AFDN: variants seen among roughly 807,000 people sequenced by gnomAD.
AFDN encodes afadin, adherens junction formation factor, also known as afadin.
In AFDN, 68 loss-of-function variants were observed where a neutral mutation model predicts 216.6. The observed-to-expected ratio is 0.31, with a 90% CI of 0.26 to 0.38. The LOEUF is 0.38. Ranked by LOEUF, AFDN falls within the 10% of genes least tolerant of loss-of-function variation. The probability of loss-of-function intolerance (pLI) is 1.00; values close to 1 mark genes in which losing one functional copy is unlikely to be tolerated. For missense variants in AFDN, 2,136 were observed against 2,342.0 expected (o/e 0.91, Z 1.82); for synonymous variants, 868 against 853.7 (o/e 1.02, Z -0.29).
chr6:167,863,712 A>G (rs1783839668), intron 1 of AFDN: 1 of 499,008 alleles, frequency 2.0e-6, no homozygotes, highest in African/African-American at 1.9e-5. Flanking sequence ...AGGACATCCC[A>G]CAGTTGTGAG....
chr6:167,889,410 G>C lies in AFDN; in HGVS notation c.1009+84G>C. ...CACCTTATCACATGATGTAGGAGAT[G>C]TGTACGTTAATGTTTTTGGATGGCC... On this transcript the variant is annotated intron_variant, in intron 7 of 33. Transcript: ENST00000683244. 5.3e-6 allele frequency: 5 copies of C among 936,508 alleles called. No homozygotes were observed. In the South Asian group the frequency reaches 6.2e-5, roughly 12 times the overall value. The allele number at this position is 936,508 out of a possible 1,614,324, so 58.0% of individuals were successfully genotyped here.
chr6:167,960,572 A>G (rs978335609), intron 30 of AFDN, among the ~76,000 whole-genome samples: 1 of 152,206 alleles, frequency 6.6e-6, no homozygotes, highest in African/African-American at 2.4e-5. Context: ...CATTAATGCA[A>G]TTTTACATTC....
rs1583357788 is a variant in AFDN, at chr6:167,907,046, C to G, written c.1651-125C>G. 7 of 674,188 alleles carry G rather than the reference C, an allele frequency of 1.0e-5. No individual in the cohort carries two copies. The East Asian group carries it at 1.8e-4, about 18-fold the overall frequency. 41.8% of individuals were successfully genotyped at this position (674,188 alleles called of 1,614,324 possible). A position where few individuals can be genotyped will look rare whatever the true frequency, so the allele number is the denominator to read the frequency against. On this transcript the variant is annotated intron_variant, in intron 12 of 33. Transcript: ENST00000683244. ...TGTCCCCAGCATTGCTTTGTTATTT[C>G]CTGGTCTGTGTTCTTGCCTGCCCTG... is the stretch of plus-strand genomic sequence containing the variant.
At chr6:167,963,914 C>A in intron 31 of AFDN, 1 of 1,064,522 alleles carries the variant, frequency 9.4e-7, no homozygotes, top group Non-Finnish European at 1.1e-6. Flanking sequence ...GAGGGCTGTG[C>A]TTTTCCAGGT....
At position 167,830,299 on chromosome 6, in the gene AFDN, T is replaced by C. The variant is rs144751159; in HGVS notation, c.105+3062T>C. 8.6e-3 allele frequency among the ~76,000 whole-genome samples: 1,305 copies of C among 152,354 alleles called. 29 individuals carry two copies. Among genetic ancestry groups the C allele is most frequent in the African/African-American group, 0.03 (1,241 of 41,570 alleles). On this transcript the variant is annotated intron_variant, in intron 1 of 33. Coordinates refer to ENST00000683244, the MANE Select transcript of AFDN (RefSeq NM_001386888.1). ...TTTTAACTTACCAGACTTGTCATTG[T>C]CATTGGTATGTCTGTCTCCCTCTTA...
At chr6:167,853,685 A>T (rs533446436) in intron 1 of AFDN, among the ~76,000 whole-genome samples, 1 of 152,166 alleles carries the variant, frequency 6.6e-6, no homozygotes, top group South Asian at 2.1e-4. Context: ...GTAACCAAAT[A>T]CAGGTTGTGT....
chr6:167,854,515 T>C (rs181925354), intron 1 of AFDN, among the ~76,000 whole-genome samples: 1 of 152,122 alleles, frequency 6.6e-6, no homozygotes, highest in Admixed American at 6.5e-5. Context: ...GAAGCTTTTC[T>C]TATTTCTAAG....
At chr6:167,826,597 C>A, upstream of AFDN, 1 of 524,974 alleles carries the variant, frequency 1.9e-6, no homozygotes. Context: ...CAACACAGCA[C>A]CACCCATCGG....
Position 167,918,762 on chromosome 6 carries a change from G to T in AFDN, c.2737G>T (p.Ala913Ser), listed in dbSNP as rs1791426307. The stretch of plus-strand genomic sequence containing the variant: ...TCTTATAGAAAATGTAGTGACTGTG[G>T]CTGAAAACACTGCCGATGAGCTGGC... The part of the protein sequence containing the change: ...TDLIENVVTV[A>S]ENTADELARS... Residue 913 changes from alanine to serine, a missense_variant, in exon 21 of 34, where the codon GCT becomes TCT. Ala to Ser is a moderately conservative substitution (Grantham distance 99). Transcript: ENST00000683244. 1.2e-6 allele frequency: 2 copies of T among 1,613,992 alleles called. No homozygotes were observed. The highest frequency in any genetic ancestry group is 1.7e-6 in the Non-Finnish European group (2 of 1,180,016).
At chr6:167,906,677 G>A (rs1040496181) in intron 12 of AFDN, among the ~76,000 whole-genome samples, 3 of 151,980 alleles carry the variant, frequency 2.0e-5, no homozygotes, top group Non-Finnish European at 2.9e-5. Flanking sequence ...TGTTTTCCCC[G>A]GTGTTGATTA....
chr6:167,894,056 T>C (rs1367566693), intron 9 of AFDN, 150 bp downstream of exon 9: 2 of 635,832 alleles, frequency 3.1e-6, no homozygotes, highest in Non-Finnish European at 5.6e-6. Flanking sequence ...TGTCATTTTA[T>C]TTGTACCTAG....
At chr6:167,832,090 A>T (rs1176939886) in intron 1 of AFDN, among the ~76,000 whole-genome samples, 3 of 152,236 alleles carry the variant, frequency 2.0e-5, no homozygotes, top group African/African-American at 4.8e-5. Context: ...TTTCTGGCTG[A>T]TAGTATATAG....
rs1273874881 is a variant in AFDN at position 167,962,448 on chromosome 6, CGGA to C, written c.4852_4854del (p.Arg1619del). ...CTGTTGTTAGTTGCAGGACGAGGAG[CGGA>C]GGCGGCAGCAGCAGTTAGAAGAGAT... is the stretch of plus-strand genomic sequence containing the variant. On this transcript the variant is annotated inframe_deletion, in exon 31 of 34. Transcript: ENST00000683244. The surrounding 1 kb of genome is among the most constrained non-coding windows in gnomAD (Gnocchi z 5.2). 6.2e-7 allele frequency: 1 copy of C among 1,613,476 alleles called. No homozygotes were observed. The highest frequency in any genetic ancestry group is 8.5e-7 in the Non-Finnish European group (1 of 1,179,830).
At chr6:167,937,499 C>T (rs116484829) in intron 23 of AFDN, among the ~76,000 whole-genome samples, 8,146 of 152,190 alleles carry the variant, frequency 0.054, 718 homozygotes, top group African/African-American at 0.19. Flanking sequence ...CCTCCCGCCA[C>T]AGCCTCCCAA....
At chr6:167,870,642 T>C in intron 3 of AFDN, 144 bp downstream of exon 3, 1 of 463,126 alleles carries the variant, frequency 2.2e-6, no homozygotes, top group African/African-American at 2.0e-5. Flanking sequence ...AGAAAATAAT[T>C]TAAAAGAAGC....
rs997060268 is a variant in AFDN, at chr6:167,922,759, C to T, written c.2909-97C>T. ...AGGTGTAGAGTAAGAAGAATCAATA[C>T]CGTGTGTTGGATATTAAGCAATTGG... On this transcript the variant is annotated intron_variant, in intron 21 of 33. Transcript: ENST00000683244. 4 of 740,586 alleles carry T rather than the reference C, an allele frequency of 5.4e-6. 1 individual carries two copies. Among genetic ancestry groups the T allele is most frequent in the Non-Finnish European group, 2.4e-6 (1 of 422,188 alleles). The allele number at this position is 740,586 out of a possible 1,614,324, so 45.9% of individuals were successfully genotyped here.
intron 23 of AFDN, among the ~76,000 whole-genome samples, chr6:167,937,287 T>G (rs1381947392): frequency 6.6e-6 from 1 of 152,266 alleles, no homozygotes; most frequent in Admixed American, 6.5e-5. Context: ...AAGAGTATTT[T>G]CAAAATATAT....
Position 167,962,909 on chromosome 6 carries a change from T to C in AFDN, c.4968+342T>C, listed in dbSNP as rs982245984. On this transcript the variant is annotated intron_variant, in intron 31 of 33. Coordinates refer to ENST00000683244, the MANE Select transcript of AFDN (RefSeq NM_001386888.1). This position sits in a 1 kb window ranked among gnomAD's most constrained non-coding sequence, Gnocchi z 5.2. ...CCAGCTTGTCATTGTGAAGGTGACA[T>C]TGGTTCAGTGATTGCTTAAATGGCA... 103 of 1,155,566 alleles carry C rather than the reference T, an allele frequency of 8.9e-5. 1 individual carries two copies. The East Asian group carries it at 3.6e-3, about 40-fold the overall frequency. 71.6% of individuals were successfully genotyped at this position (1,155,566 alleles called of 1,614,324 possible).
chr6:167,966,049 A>G lies in AFDN; in HGVS notation c.5257+4A>G. On this transcript the variant is annotated splice_donor_region_variant and intron_variant, in intron 32 of 33. Transcript: ENST00000683244. ...GAGGAGGACTGCAGCCTAGCAGGTC[A>G]GGATAAGTACTCCAGCACAAGAAAG... The G allele has an allele frequency of 6.5e-7, 1 of 1,543,354 alleles. No homozygotes were observed.
Sources: gnomAD v4.1 joint callset for allele counts (sites outside exome capture counted in the v4.1 genomes callset) on GRCh38, gnomAD v4.1.1 for gene constraint, Gnocchi (gnomAD v3.1) non-coding constraint, MANE v1.5 for transcripts, NCBI Gene and HGNC (gene_info 2026-07-23, HGNC 2026-07-21) for gene names.